The following ATP13A2 variants were observed in gnomAD, a reference collection of about 807,000 sequenced individuals.
ATP13A2 encodes ATPase cation transporting 13A2, also known as polyamine-transporting ATPase 13A2.
Under a neutral mutation model 138.3 loss-of-function variants are expected in ATP13A2, and 83 were observed. The ratio of observed to expected loss-of-function variants is 0.60; its 90% CI spans 0.50 to 0.72. The LOEUF (loss-of-function observed/expected upper bound fraction) is 0.72, where lower values mean the gene tolerates loss of function less well. Among genes scored for constraint, ATP13A2 ranks in the 30% least tolerant of loss-of-function variants. The probability of loss-of-function intolerance (pLI) is 0.00; values close to 1 mark genes in which losing one functional copy is unlikely to be tolerated. For missense variants in ATP13A2, 1,402 were observed against 1,606.4 expected (o/e 0.87, Z 2.17); for synonymous variants, 663 against 699.0 (o/e 0.95, Z 0.81).
In ATP13A2 at chr1:16,993,642, T is replaced by G; in HGVS notation, c.1736A>C (p.Glu579Ala). The G allele has an allele frequency of 6.3e-7, 1 of 1,588,192 alleles. No homozygotes were observed. The highest frequency in any genetic ancestry group is 2.3e-5 in the East Asian group (1 of 43,990). ...VGDPMDLKMV[E>A]STGWVLEEEP... The stretch of plus-strand genomic sequence containing the variant: ...TGGCCTCCTCACCCAGCCAGTAGAC[T>G]CCACCATCTTCAAGTCCATGGGGTC... Residue 579 changes from glutamate to alanine, a missense_variant, in exon 16 of 29, where the codon GAG becomes GCG. Physicochemically the swap from Glu to Ala is moderately radical, Grantham distance 107. Transcript: ENST00000326735.
chr1:16,987,313 C>A, intron 25 of ATP13A2, 44 bp from the exon 26 acceptor site: 1 of 1,579,340 alleles, frequency 6.3e-7, no homozygotes. Flanking sequence ...AAGACCTGGC[C>A]CTGGCAGCCC....
At chr1:16,987,384 C>T (rs1382569213) in intron 25 of ATP13A2, 115 bp from the exon 26 acceptor site, 35 of 1,004,618 alleles carry the variant, frequency 3.5e-5, no homozygotes, top group Non-Finnish European at 5.1e-5. Context: ...AAGGCATCCC[C>T]CAGTCTAATG....
At chr1:16,992,713 G>T in intron 16 of ATP13A2, 132 bp from the exon 17 acceptor site, 1 of 890,094 alleles carries the variant, frequency 1.1e-6, no homozygotes, top group Non-Finnish European at 1.8e-6. Context: ...GAGCCCGGTG[G>T]ACTCAAATTC....
chr1:17,000,956 A>C, intron 8 of ATP13A2: 2 of 193,008 alleles, frequency 1.0e-5, no homozygotes, highest in Non-Finnish European at 2.2e-5. Context: ...AAAATAAACA[A>C]ATAAATAAAT....
rs1174921437 is a variant in ATP13A2, at chr1:17,004,150, CT to C, written c.557+181del. 1.3e-5 allele frequency among the ~76,000 whole-genome samples: 2 copies of C among 152,322 alleles called. No individual in the cohort carries two copies. Among genetic ancestry groups the C allele is most frequent in the Non-Finnish European group, 2.9e-5 (2 of 68,026 alleles). Reference sequence around the variant, plus strand: ...AACAATCCTAGGAGGCAGAAGTTATCTTCATGCCCTATTTATAGACAGAGAT... The same window carrying C: ...AACAATCCTAGGAGGCAGAAGTTATCTCATGCCCTATTTATAGACAGAGAT... On this transcript the variant is annotated intron_variant, in intron 6 of 28. Transcript: ENST00000326735. This position sits in a 1 kb window ranked among gnomAD's most constrained non-coding sequence, Gnocchi z 4.1.
In ATP13A2 at chr1:16,989,982, A is replaced by G; in HGVS notation, c.2434T>C (p.Tyr812His). Residue 812 changes from tyrosine (Y) to histidine (H), a missense_variant, in exon 22 of 29, where the codon TAC becomes CAC. Transcript: ENST00000326735. ...GVKDPDQAAS[Y>H]TVEPDPRSRH... Reference sequence around the variant, plus strand: ...GATCGGGGGTCTGGCTCCACGGTGTAGCTTGCAGCCTGGTCAGGATCCTGG... The same window carrying G: ...GATCGGGGGTCTGGCTCCACGGTGTGGCTTGCAGCCTGGTCAGGATCCTGG... 6.2e-7 allele frequency: 1 copy of G among 1,610,810 alleles called. No homozygotes were observed. The highest frequency in any genetic ancestry group is 8.5e-7 in the Non-Finnish European group (1 of 1,178,548).
Position 16,989,750 on chromosome 1 carries a change from G to C in ATP13A2, c.2550C>G (p.Val850=). Residue 850 remains valine, a synonymous_variant, in exon 23 of 29, where the codon GTC becomes GTG. Coordinates refer to ENST00000326735, the MANE Select transcript of ATP13A2 (RefSeq NM_022089.4). ...LLPKVLVQGT[V]FARMAPEQKT... ...TCTGCTCAGGGGCCATGCGGGCAAA[G>C]ACAGTGCCCTGGACCAGGACCTGGG... is the stretch of plus-strand genomic sequence containing the variant. 6.2e-7 allele frequency: 1 copy of C among 1,614,072 alleles called. No homozygotes were observed. Among genetic ancestry groups the C allele is most frequent in the African/African-American group, 1.3e-5 (1 of 75,056 alleles).
Position 16,997,067 on chromosome 1 carries a change from G to A in ATP13A2, c.1148C>T (p.Ala383Val). Reference sequence around the variant, plus strand: ...GACGTGCGGTCCCACATAGGCCCGGGCCTGCAAGATGAGGGTCCCGCAGAA... The same window carrying A: ...GACGTGCGGTCCCACATAGGCCCGGACCTGCAAGATGAGGGTCCCGCAGAA... ...TLFCGTLILQARAYVGPHVLA... is the reference protein window; with the variant it reads ...TLFCGTLILQVRAYVGPHVLA... The change falls in exon 12 of 29, where the codon GCC (alanine) becomes GTC (valine). Residue 383 changes from alanine (A) to valine (V), a missense_variant. Transcript: ENST00000326735. 1 of 1,613,418 alleles carries A rather than the reference G, an allele frequency of 6.2e-7. No individual in the cohort carries two copies. The highest frequency in any genetic ancestry group is 8.5e-7 in the Non-Finnish European group (1 of 1,180,006).
chr1:16,997,210 C>G (rs2077163262), intron 11 of ATP13A2, 35 bp from the exon 12 acceptor site: 2 of 1,612,352 alleles, frequency 1.2e-6, no homozygotes, highest in African/African-American at 2.7e-5. Flanking sequence ...CCACTCCACA[C>G]CCCTCCCTCC....
chr1:17,005,397 C>A lies in ATP13A2; in HGVS notation c.265G>T (p.Val89Phe). 1 of 1,608,404 alleles carries A rather than the reference C, an allele frequency of 6.2e-7. No individual in the cohort carries two copies. Among genetic ancestry groups the A allele is most frequent in the Non-Finnish European group, 8.5e-7 (1 of 1,177,342 alleles). ...ACCTCTTTGTCTCTTATTTCGATAACGAGTGTTTCGGCGTGGGCCAGGTTG... is the reference window on the plus strand; with the variant it reads ...ACCTCTTTGTCTCTTATTTCGATAAAGAGTGTTTCGGCGTGGGCCAGGTTG... ...PCNLAHAETL[V>F]IEIRDKEDSS... The change falls in exon 3 of 29, where the codon GTT becomes TTT. Residue 89 changes from valine to phenylalanine, a missense_variant. Physicochemically the swap from Val to Phe is conservative, Grantham distance 50 (BLOSUM62 -1). Transcript: ENST00000326735.
intron 23 of ATP13A2, 148 bp downstream of exon 23, chr1:16,989,543 G>C (rs756446455): frequency 1.3e-6 from 1 of 767,402 alleles, no homozygotes; most frequent in Non-Finnish European, 2.3e-6. Flanking sequence ...AAAGACCTGG[G>C]AGAGCCTGCC....
chr1:16,992,155 A>C (rs753774154), intron 18 of ATP13A2, 26 bp from the exon 19 acceptor site: 1 of 1,612,124 alleles, frequency 6.2e-7, no homozygotes, highest in South Asian at 1.1e-5. Context: ...AGGTGTCACA[A>C]GGAGGGGATG....
Position 16,996,277 on chromosome 1 carries a change from T to A in ATP13A2, c.1330A>T (p.Ile444Phe). 1 of 1,614,072 alleles carries A rather than the reference T, an allele frequency of 6.2e-7. No homozygotes were observed. Among genetic ancestry groups the A allele is most frequent in the Non-Finnish European group, 8.5e-7 (1 of 1,180,014 alleles). ...VLALLGTIYS[I>F]FILYRNRVPL... ...ACCCGGTTTCGGTAGAGGATGAAGATGCTGTAGATGGTGCCGAGGAGAGCT... is the reference window on the plus strand; with the variant it reads ...ACCCGGTTTCGGTAGAGGATGAAGAAGCTGTAGATGGTGCCGAGGAGAGCT... Residue 444 changes from isoleucine to phenylalanine, a missense_variant, in exon 14 of 29, where the codon ATC (isoleucine) becomes TTC (phenylalanine). By Grantham distance (21) the Ile-to-Phe change is conservative. Transcript: ENST00000326735.
In ATP13A2 at chr1:16,993,824, G is replaced by A. The variant is rs2077021004; in HGVS notation, c.1554C>T (p.Leu518=). The A allele has an allele frequency of 6.4e-7, 1 of 1,560,888 alleles. No individual in the cohort carries two copies. The highest frequency in any genetic ancestry group is 1.4e-5 in the African/African-American group (1 of 73,670). ...CCATCACGTCTAAGCCGTCCTCAGT[G>A]AGGGTGCCCGTCTGTGGGAGACAGG... is the stretch of plus-strand genomic sequence containing the variant. ...QLVCFDKTGT[L]TEDGLDVMGV... is the part of the protein sequence containing the mutation. Residue 518 remains leucine, a synonymous_variant, in exon 16 of 29, where the codon CTC becomes CTT. Coordinates refer to ENST00000326735, the MANE Select transcript of ATP13A2 (RefSeq NM_022089.4).
intron 12 of ATP13A2, 54 bp from the exon 13 acceptor site, chr1:16,996,550 TC>T: frequency 1.4e-6 from 2 of 1,421,738 alleles, no homozygotes; most frequent in Non-Finnish European, 2.0e-6. Context: ...GGGCAGGCCT[TC>T]CCCACCCCTA....
chr1:17,004,257 T>C lies in ATP13A2; in HGVS notation c.557+75A>G, dbSNP rs1022164795. On this transcript the variant is annotated intron_variant, in intron 6 of 28. Transcript: ENST00000326735. This position sits in a 1 kb window ranked among gnomAD's most constrained non-coding sequence, Gnocchi z 4.1. ...AGAGCTGAGAGGGGAGCCCAGGCCA[T>C]GCCATGCCACCGTCTGTGCCCAAAC... 1.3e-5 allele frequency: 20 copies of C among 1,483,116 alleles called. No individual in the cohort carries two copies. The African/African-American group carries it at 1.4e-4, about 10-fold the overall frequency. The allele number at this position is 1,483,116 out of a possible 1,614,324, so 91.9% of individuals were successfully genotyped here.
At position 17,000,265 on chromosome 1, in the gene ATP13A2, G is replaced by A. The variant is rs1479698228; in HGVS notation, c.888C>T (p.Cys296=). Residue 296 remains cysteine, a synonymous_variant, in exon 10 of 29, where the codon TGC becomes TGT. Coordinates refer to ENST00000326735, the MANE Select transcript of ATP13A2 (RefSeq NM_022089.4). The part of the protein sequence containing the change: ...RDMVKLSMRV[C]VCRPGGEEEW... ...CCTCACCTCCCCCTGGCCGGCACAC[G>A]CACACCCGCATGGACAACTTGACCA... 7 of 1,421,588 alleles carry A rather than the reference G, an allele frequency of 4.9e-6. No homozygotes were observed. In the East Asian group the frequency reaches 1.1e-4, roughly 21 times the overall value. The allele number at this position is 1,421,588 out of a possible 1,614,324, so 88.1% of individuals were successfully genotyped here.
In ATP13A2 at chr1:16,999,397, AAAAAAAAAG is replaced by A. The variant is rs985679808; in HGVS notation, c.1039+605_1039+613del. ...CTCCATCTCAAAAAAAAAAAAAAAA[AAAAAAAAAG>A]GAGAAATAGCCCAGATGCACTGGGT... On this transcript the variant is annotated intron_variant, in intron 11 of 28. Coordinates refer to ENST00000326735, the MANE Select transcript of ATP13A2 (RefSeq NM_022089.4). 3.3e-5 allele frequency among the ~76,000 whole-genome samples: 5 copies of A among 149,746 alleles called. No homozygotes were observed. The South Asian group carries it at 6.4e-4, about 19-fold the overall frequency.
chr1:16,994,197 CAT>C (rs2077036929), intron 15 of ATP13A2, among the ~76,000 whole-genome samples: 10 of 147,312 alleles, frequency 6.8e-5, no homozygotes, highest in African/African-American at 2.0e-4. Flanking sequence ...CTCTCTCTCT[CAT>C]TTATTTATTT....
Sources: gnomAD v4.1 joint callset for allele counts (sites outside exome capture counted in the v4.1 genomes callset) on GRCh38, gnomAD v4.1.1 for gene constraint, Gnocchi (gnomAD v3.1) non-coding constraint, MANE v1.5 for transcripts, NCBI Gene and HGNC (gene_info 2026-07-23, HGNC 2026-07-21) for gene names.